Variants in CRPPA observed in about 807,000 individuals in gnomAD.
The protein encoded by CRPPA is CDP-L-ribitol pyrophosphorylase A, also known as D-ribitol-5-phosphate cytidylyltransferase.
CRPPA carries 43 observed loss-of-function variants against 52.0 expected under a neutral mutation model. The observed-to-expected ratio is 0.83, with a 90% CI of 0.65 to 1.07. The LOEUF (loss-of-function observed/expected upper bound fraction) is 1.07, where lower values mean the gene tolerates loss of function less well. Among genes scored for constraint, CRPPA ranks in the 50% least tolerant of loss-of-function variants. The probability of loss-of-function intolerance (pLI) is 0.00; values close to 1 mark genes in which losing one functional copy is unlikely to be tolerated. For missense variants in CRPPA, 629 were observed against 551.7 expected (o/e 1.14, Z -1.40); for synonymous variants, 250 against 203.5 (o/e 1.23, Z -1.94).
At chr7:16,110,244 A>C (rs1251632402) in intron 9 of CRPPA, among the ~76,000 whole-genome samples, 1 of 152,090 alleles carries the variant, frequency 6.6e-6, no homozygotes, top group African/African-American at 2.4e-5. Flanking sequence ...ATATAGTGAA[A>C]ACTGTAAAAC....
At chr7:16,301,489 T>G (rs1784789026) in intron 4 of CRPPA, 23 bp from the exon 5 acceptor site, 1 of 1,586,790 alleles carries the variant, frequency 6.3e-7, no homozygotes, top group Non-Finnish European at 8.6e-7. Flanking sequence ...TAAACTTCAT[T>G]AGACTTAACA....
At chr7:16,168,785 T>C (rs1368004069) in intron 9 of CRPPA, among the ~76,000 whole-genome samples, 2 of 152,092 alleles carry the variant, frequency 1.3e-5, no homozygotes, top group African/African-American at 4.8e-5. Context: ...CAAATACACA[T>C]GCTAAAAGAA....
chr7:16,367,686 G>C (rs188405658), intron 3 of CRPPA, among the ~76,000 whole-genome samples: 1 of 151,906 alleles, frequency 6.6e-6, no homozygotes, highest in Non-Finnish European at 1.5e-5. Context: ...GTGGGGTACA[G>C]GCAGGCTATG....
intron 2 of CRPPA, among the ~76,000 whole-genome samples, chr7:16,397,663 AAG>A (rs959340252): frequency 1.3e-5 from 2 of 151,890 alleles, no homozygotes; most frequent in African/African-American, 4.9e-5. Flanking sequence ...ACATGTGACT[AAG>A]ACGTCACCGA....
At chr7:16,275,843 T>A (rs1052149467) in intron 6 of CRPPA, among the ~76,000 whole-genome samples, 7 of 146,848 alleles carry the variant, frequency 4.8e-5, no homozygotes, top group South Asian at 2.2e-4. Flanking sequence ...AAACAAAAAA[T>A]ATATATATAT....
intron 9 of CRPPA, among the ~76,000 whole-genome samples, chr7:16,189,549 C>A (rs1342831353): frequency 6.6e-6 from 1 of 152,088 alleles, no homozygotes; most frequent in Non-Finnish European, 1.5e-5. Flanking sequence ...AGGAACAAAG[C>A]CAAAGGCTAA....
At chr7:16,386,160 A>G (rs1787264649) in intron 2 of CRPPA, among the ~76,000 whole-genome samples, 1 of 133,560 alleles carries the variant, frequency 7.5e-6, no homozygotes, top group African/African-American at 3.2e-5. Flanking sequence ...GGGAGCTAAA[A>G]GAGGGATGGG....
At chr7:16,137,980 T>C (rs929585234) in intron 9 of CRPPA, among the ~76,000 whole-genome samples, 6 of 152,270 alleles carry the variant, frequency 3.9e-5, no homozygotes, top group African/African-American at 1.4e-4. Context: ...AAATGTCCTA[T>C]AGGAAAATAT....
chr7:16,253,913 A>C (rs1366286953), intron 8 of CRPPA, among the ~76,000 whole-genome samples: 1 of 152,180 alleles, frequency 6.6e-6, no homozygotes, highest in Non-Finnish European at 1.5e-5. Flanking sequence ...CAACCCCATC[A>C]AAAAGTGGGC....
intron 9 of CRPPA, among the ~76,000 whole-genome samples, chr7:16,154,492 A>G (rs1202548116): frequency 6.6e-6 from 1 of 152,192 alleles, no homozygotes; most frequent in African/African-American, 2.4e-5. Flanking sequence ...ATGTGAGGAA[A>G]TGCTTACAGA....
At chr7:16,311,987 T>G (rs922432438) in intron 3 of CRPPA, among the ~76,000 whole-genome samples, 1 of 152,182 alleles carries the variant, frequency 6.6e-6, no homozygotes. Context: ...ATTTATCTAT[T>G]CTTTAAGCCA....
At chr7:16,278,084 T>A in intron 6 of CRPPA, 45 bp downstream of exon 6, 1 of 963,042 alleles carries the variant, frequency 1.0e-6, no homozygotes, top group Non-Finnish European at 1.6e-6. Flanking sequence ...ACTATAAAAG[T>A]TTTTGGCAAT....
intron 9 of CRPPA, among the ~76,000 whole-genome samples, chr7:16,172,138 G>A (rs1781201062): frequency 6.6e-6 from 1 of 152,142 alleles, no homozygotes; most frequent in Non-Finnish European, 1.5e-5. Context: ...GTAATTACAA[G>A]AAATTCTTTC....
intron 8 of CRPPA, among the ~76,000 whole-genome samples, chr7:16,226,042 C>T (rs1782642142): frequency 6.6e-6 from 1 of 151,946 alleles, no homozygotes; most frequent in African/African-American, 2.4e-5. Flanking sequence ...AGAAAAGCCT[C>T]CACCAATTCA....
intron 6 of CRPPA, among the ~76,000 whole-genome samples, chr7:16,272,025 T>C (rs539172655): frequency 6.6e-6 from 1 of 152,316 alleles, no homozygotes; most frequent in South Asian, 2.1e-4. Flanking sequence ...TTTTTGGATA[T>C]TTACTGAAAA....
At chr7:16,311,220 G>A (rs2214624) in intron 3 of CRPPA, among the ~76,000 whole-genome samples, 1 of 151,444 alleles carries the variant, frequency 6.6e-6, no homozygotes, top group Non-Finnish European at 1.5e-5. Flanking sequence ...TACGACCCAT[G>A]CATTGTATTA....
intron 2 of CRPPA, among the ~76,000 whole-genome samples, chr7:16,393,932 A>T (rs1366220051): frequency 2.0e-5 from 3 of 152,176 alleles, no homozygotes; most frequent in Non-Finnish European, 4.4e-5. Flanking sequence ...GCCTATAAAT[A>T]TAAAAAGATG....
intron 9 of CRPPA, among the ~76,000 whole-genome samples, chr7:16,185,648 T>C (rs1454259186): frequency 1.3e-5 from 2 of 152,188 alleles, no homozygotes; most frequent in African/African-American, 2.4e-5. Context: ...AAGAGAATAA[T>C]AGTAATTGCA....
Position 16,236,340 on chromosome 7 carries a change from G to C in CRPPA, c.1120-20143C>G, listed in dbSNP as rs542973549. Among the ~76,000 whole-genome samples the C allele has an allele frequency of 4.6e-5, 7 of 152,196 alleles. No individual in the cohort carries two copies. In the East Asian group the frequency reaches 5.8e-4, roughly 13 times the overall value. On this transcript the variant is annotated intron_variant, in intron 8 of 9. Transcript: ENST00000407010. ...CTCTGGGACTACCTTGACAACACTT[G>C]CTACATTCCACCTTAGCAAGTAAAA...
Sources: allele counts gnomAD v4.1 joint callset (sites outside exome capture counted in the v4.1 genomes callset), GRCh38; gene constraint gnomAD v4.1.1; transcripts MANE v1.5; gene names NCBI Gene and HGNC (gene_info 2026-07-23, HGNC 2026-07-21).